The following DMD variants were observed in gnomAD, a reference collection of about 807,000 sequenced individuals.
The protein encoded by DMD is mutant dystrophin.
In DMD, 63 loss-of-function variants were observed where a neutral mutation model predicts 330.1. That is an observed-to-expected ratio of 0.19 (90% CI 0.16 to 0.24). The LOEUF (loss-of-function observed/expected upper bound fraction) is 0.24, where lower values mean the gene tolerates loss of function less well. Ranked by LOEUF, DMD falls within the 10% of genes least tolerant of loss-of-function variation. The pLI, the probability that DMD is intolerant of heterozygous loss-of-function variation, is 1.00. For synonymous variants in DMD, 1,223 were observed against 959.8 expected, an observed-to-expected ratio of 1.27 and a Z score of -5.07; for missense variants, 3,344 against 2,684.1, an observed-to-expected ratio of 1.25 and a Z score of -5.43.
At chrX:31,219,325 G>A (rs1408811285) in intron 64 of DMD, among the ~76,000 whole-genome samples, 2 of 110,723 alleles carry the variant, frequency 1.8e-5, no homozygotes, top group Non-Finnish European at 3.8e-5. Context: ...GCGTGCCTGG[G>A]GAAATACCAC....
intron 7 of DMD, among the ~76,000 whole-genome samples, chrX:32,795,806 A>G (rs2144383): frequency 0.44 from 48,599 of 110,483 alleles, 8,242 homozygotes; most frequent in Non-Finnish European, 0.53. Flanking sequence ...GGACAATAAT[A>G]AGTATTTCTC....
At chrX:31,288,933 T>C (rs765653037) in intron 62 of DMD, among the ~76,000 whole-genome samples, 66 of 111,014 alleles carry the variant, frequency 5.9e-4, no homozygotes, top group Admixed American at 2.1e-3. Flanking sequence ...TATATATAAC[T>C]AGTATTAACC....
chrX:32,411,366 T>G (rs2098141209), intron 30 of DMD, among the ~76,000 whole-genome samples: 1 of 110,894 alleles, frequency 9.0e-6, no homozygotes, highest in African/African-American at 3.3e-5. Flanking sequence ...CCTGACATTG[T>G]GATTCGTGGG....
chrX:31,685,491 A>G (rs1460109013), intron 52 of DMD, among the ~76,000 whole-genome samples: 1 of 112,480 alleles, frequency 8.9e-6, no homozygotes, highest in Non-Finnish European at 1.9e-5. Flanking sequence ...TGGTTCTCCC[A>G]TAACACTTTG....
intron 9 of DMD, among the ~76,000 whole-genome samples, chrX:32,678,228 T>C (rs2062103805): frequency 8.9e-6 from 1 of 112,498 alleles, no homozygotes; most frequent in Non-Finnish European, 1.9e-5. Context: ...AAAATGGTTA[T>C]TTGATAAATC....
intron 26 of DMD, among the ~76,000 whole-genome samples, chrX:32,450,448 T>C (rs1223666619): frequency 1.8e-5 from 2 of 111,104 alleles, no homozygotes; most frequent in Non-Finnish European, 3.8e-5. Context: ...AGCATAGAGA[T>C]TGTTTTTACA....
Position 31,266,159 on chromosome X carries a change from C to CAAAAAAAAAAAAAA in DMD, c.9225-5157_9225-5144dup, listed in dbSNP as rs1174153877. ...TGACTCCACACCCAATCCCGAAGGG[C>CAAAAAAAAAAAAAA]AAAAAAAAAAAAAAAAAAAAAAAAG... On this transcript the variant is annotated intron_variant, in intron 62 of 78. Transcript: ENST00000357033. Among the ~76,000 whole-genome samples, 73 of 13,327 alleles carry CAAAAAAAAAAAAAA rather than the reference C, an allele frequency of 5.5e-3. 11 individuals are homozygous for CAAAAAAAAAAAAAA. The highest frequency in any genetic ancestry group is 6.5e-3 in the Non-Finnish European group (54 of 8,368). 11.6% of individuals were successfully genotyped at this position (13,327 alleles called of 115,157 possible).
At chrX:32,388,040 G>C (rs1173954579) in intron 32 of DMD, among the ~76,000 whole-genome samples, 1 of 111,422 alleles carries the variant, frequency 9.0e-6, no homozygotes. Flanking sequence ...ACACCACAAA[G>C]CATCGTAAAC....
chrX:31,790,306 TG>T (rs1394971640), intron 50 of DMD, among the ~76,000 whole-genome samples: 1 of 111,148 alleles, frequency 9.0e-6, no homozygotes, highest in East Asian at 2.8e-4. Flanking sequence ...GAGACTGTAT[TG>T]CTAAAATGGA....
chrX:32,655,508 T>C (rs1001604289), intron 9 of DMD, among the ~76,000 whole-genome samples: 16 of 112,313 alleles, frequency 1.4e-4, no homozygotes, highest in Admixed American at 1.3e-3. Context: ...AGAGACACTT[T>C]GTTATAATTT....
intron 60 of DMD, among the ~76,000 whole-genome samples, chrX:31,356,750 A>C (rs1420412178): frequency 1.8e-5 from 2 of 112,018 alleles, no homozygotes; most frequent in Non-Finnish European, 3.8e-5. Flanking sequence ...TATCAACATT[A>C]AATTGACTTC....
intron 44 of DMD, among the ~76,000 whole-genome samples, chrX:32,016,423 A>G (rs1384096288): frequency 2.7e-5 from 3 of 111,364 alleles, no homozygotes; most frequent in Non-Finnish European, 5.7e-5. Flanking sequence ...CCGTCATGGT[A>G]CTCATTACAC....
intron 1 of DMD, among the ~76,000 whole-genome samples, chrX:33,188,254 C>G (rs765418986): frequency 7.1e-4 from 78 of 110,503 alleles, no homozygotes; most frequent in African/African-American, 2.3e-3. Context: ...CTCTCTCTCT[C>G]TCTGTCTCTC....
intron 1 of DMD, among the ~76,000 whole-genome samples, chrX:33,329,017 G>C (rs1452310408): frequency 1.8e-5 from 2 of 111,576 alleles, no homozygotes; most frequent in Non-Finnish European, 3.8e-5. Flanking sequence ...TTAGAAAAGT[G>C]CACTTTTATA....
intron 9 of DMD, among the ~76,000 whole-genome samples, chrX:32,683,834 A>T (rs1338681386): frequency 7.3e-5 from 8 of 110,273 alleles, no homozygotes; most frequent in African/African-American, 2.3e-4. Context: ...CATTCACCTA[A>T]CAAGAAGTTT....
rs142942229 is a variant in DMD at position 32,721,318 on chromosome X, G to A, written c.650-22025C>T. On this transcript the variant is annotated intron_variant, in intron 7 of 78. Transcript: ENST00000357033. Reference sequence around the variant, plus strand: ...CATAATGTCTGCTCTAATTTACACCGACACCAGCAGTATGTCAGGGTTCCC... The same window carrying A: ...CATAATGTCTGCTCTAATTTACACCAACACCAGCAGTATGTCAGGGTTCCC... 2.3e-3 allele frequency among the ~76,000 whole-genome samples: 248 copies of A among 109,904 alleles called. 1 individual carries two copies. Among genetic ancestry groups the A allele is most frequent in the African/African-American group, 7.5e-3 (227 of 30,310 alleles).
At chrX:32,491,227 A>G (rs1423615973) in intron 20 of DMD, 50 bp downstream of exon 20, 10 of 1,199,819 alleles carry the variant, frequency 8.3e-6, no homozygotes, top group Non-Finnish European at 1.0e-5. Flanking sequence ...GGAAATTGCC[A>G]AGAAATACCT....
intron 51 of DMD, among the ~76,000 whole-genome samples, chrX:31,767,979 T>C (rs2090106601): frequency 8.9e-6 from 1 of 111,765 alleles, no homozygotes; most frequent in Admixed American, 9.5e-5. Flanking sequence ...CAGTGCAATG[T>C]GTGGTTAAAA....
chrX:33,148,653 T>C (rs1336814805), intron 1 of DMD, among the ~76,000 whole-genome samples: 1 of 111,788 alleles, frequency 8.9e-6, no homozygotes, highest in Admixed American at 9.6e-5. Context: ...AAAAACACTA[T>C]GAATAATAAA....
Sources: gnomAD v4.1 joint callset for allele counts (sites outside exome capture counted in the v4.1 genomes callset) on GRCh38, gnomAD v4.1.1 for gene constraint, MANE v1.5 for transcripts, NCBI Gene and HGNC (gene_info 2026-07-23, HGNC 2026-07-21) for gene names.